Variants in RUVBL1 observed in about 807,000 individuals in gnomAD.
The protein encoded by RUVBL1 is ruvB-like 1.
Under a neutral mutation model 52.4 loss-of-function variants are expected in RUVBL1, and 4 were observed. That is an observed-to-expected ratio of 0.08 (90% CI 0.04 to 0.17). The LOEUF is 0.17. Ranked by LOEUF, RUVBL1 falls within the 10% of genes least tolerant of loss-of-function variation. RUVBL1 has a pLI of 1.00. For missense variants in RUVBL1, 298 were observed against 572.8 expected (o/e 0.52, Z 4.90); for synonymous variants, 217 against 214.4 (o/e 1.01, Z -0.10).
intron 2 of RUVBL1, among the ~76,000 whole-genome samples, chr3:128,116,763 C>CTCATCTTT: frequency 6.6e-6 from 1 of 152,314 alleles, no homozygotes; most frequent in East Asian, 1.9e-4. Flanking sequence ...GCCAGGCTCC[C>CTCATCTTT]TCATCTTTGT....
intron 1 of RUVBL1, among the ~76,000 whole-genome samples, chr3:128,147,108 G>A (rs1001596831): frequency 1.3e-5 from 2 of 152,240 alleles, no homozygotes; most frequent in Non-Finnish European, 2.9e-5. Flanking sequence ...GTTTTGCTCT[G>A]TTGCCCGGGC....
At chr3:128,101,368 A>C (rs951562765) in intron 5 of RUVBL1, among the ~76,000 whole-genome samples, 191 bp downstream of exon 5, 18 of 152,178 alleles carry the variant, frequency 1.2e-4, no homozygotes, top group African/African-American at 4.3e-4. Flanking sequence ...AAGGTTAAAG[A>C]ATGAAGATAA....
At chr3:128,109,278 G>C (rs530204709) in intron 3 of RUVBL1, among the ~76,000 whole-genome samples, 1 of 152,132 alleles carries the variant, frequency 6.6e-6, no homozygotes, top group African/African-American at 2.4e-5. Flanking sequence ...GGGTGTAGTG[G>C]CTCACTCCTA....
chr3:128,112,433 A>G (rs1381291204), intron 3 of RUVBL1, among the ~76,000 whole-genome samples: 1 of 152,166 alleles, frequency 6.6e-6, no homozygotes, highest in Non-Finnish European at 1.5e-5. Flanking sequence ...TAAGCCTCTA[A>G]GCTCTGCCAG....
intron 9 of RUVBL1, among the ~76,000 whole-genome samples, chr3:128,065,687 A>C (rs1008880635): frequency 6.7e-6 from 1 of 149,304 alleles, no homozygotes; most frequent in Non-Finnish European, 1.5e-5. Context: ...ATAAAAAGCT[A>C]TCTCTTTAGG....
chr3:128,115,616 C>T (rs1191636537), intron 2 of RUVBL1, among the ~76,000 whole-genome samples: 1 of 152,152 alleles, frequency 6.6e-6, no homozygotes, highest in Non-Finnish European at 1.5e-5. Flanking sequence ...CTCATATTTC[C>T]TGGGAGGAAA....
At chr3:128,109,053 T>C (rs958716945) in intron 3 of RUVBL1, among the ~76,000 whole-genome samples, 1 of 152,206 alleles carries the variant, frequency 6.6e-6, no homozygotes, top group Non-Finnish European at 1.5e-5. Context: ...AAGGTTATGA[T>C]GATCACATAA....
At chr3:128,153,388 G>A in exon 1 of RUVBL1, 1 of 1,391,578 alleles carries the variant, frequency 7.2e-7, no homozygotes, top group South Asian at 1.6e-5. Context: ...AAGCTTCCGG[G>A]CCGGAACGGG....
At chr3:128,122,403 T>G (rs1576478060) in intron 1 of RUVBL1, among the ~76,000 whole-genome samples, 2 of 152,240 alleles carry the variant, frequency 1.3e-5, no homozygotes. Flanking sequence ...TCAACTTTTT[T>G]TGTGTCTGAA....
chr3:128,100,984 CTTTCT>C (rs1379784982), intron 5 of RUVBL1, among the ~76,000 whole-genome samples: 1 of 152,216 alleles, frequency 6.6e-6, no homozygotes, highest in African/African-American at 2.4e-5. Context: ...TTTTTCCCTT[CTTTCT>C]TTTAACTGTA....
intron 1 of RUVBL1, among the ~76,000 whole-genome samples, chr3:128,145,270 A>G (rs1339761346): frequency 1.3e-5 from 2 of 152,242 alleles, no homozygotes; most frequent in African/African-American, 4.8e-5. Flanking sequence ...TGACAAATGA[A>G]GAAACTGAGG....
chr3:128,113,872 C>A (rs756500028), intron 2 of RUVBL1, among the ~76,000 whole-genome samples: 5 of 152,198 alleles, frequency 3.3e-5, no homozygotes, highest in Non-Finnish European at 7.3e-5. Flanking sequence ...CACCAATCTA[C>A]AACCCATCAG....
Position 128,067,262 on chromosome 3 carries a change from T to C in RUVBL1, c.940-2042A>G, listed in dbSNP as rs1217005865. The C allele has an allele frequency of 7.5e-7, 1 of 1,327,032 alleles. No homozygotes were observed. Among genetic ancestry groups the C allele is most frequent in the African/African-American group, 1.5e-5 (1 of 68,352 alleles). The allele number at this position is 1,327,032 out of a possible 1,614,324, so 82.2% of individuals were successfully genotyped here. A position where few individuals can be genotyped will look rare whatever the true frequency, so the allele number is the denominator to read the frequency against. On this transcript the variant is annotated intron_variant, in intron 9 of 9. Transcript: ENST00000464873. The surrounding 1 kb of genome is among the most constrained non-coding windows in gnomAD (Gnocchi z 4.1). The stretch of plus-strand genomic sequence containing the variant: ...ATCCAAAGATATTTTCCATTGTGCC[T>C]TTTACAAATTCAGCACATTAAATTA...
chr3:128,107,152 G>A (rs1943260880), intron 3 of RUVBL1, among the ~76,000 whole-genome samples: 2 of 152,184 alleles, frequency 1.3e-5, no homozygotes, highest in Non-Finnish European at 2.9e-5. Context: ...ATCTCCGCTG[G>A]AGCCTATGGT....
chr3:128,100,972 C>A (rs1943096751), intron 5 of RUVBL1, among the ~76,000 whole-genome samples: 1 of 152,196 alleles, frequency 6.6e-6, no homozygotes, highest in South Asian at 2.1e-4. Flanking sequence ...CTCCCAAAAT[C>A]CTTTTTCCCT....
intron 9 of RUVBL1, among the ~76,000 whole-genome samples, chr3:128,065,533 T>A (rs1372286774): frequency 6.6e-6 from 1 of 152,122 alleles, no homozygotes; most frequent in African/African-American, 2.4e-5. Flanking sequence ...ATCTTTGTAT[T>A]TTTTGATGGT....
At chr3:128,097,572 G>T in intron 7 of RUVBL1, 74 bp from the exon 8 acceptor site, 2 of 1,352,678 alleles carry the variant, frequency 1.5e-6, no homozygotes, top group Non-Finnish European at 2.1e-6. Context: ...TCCTCCACCT[G>T]AATTCAATCC....
chr3:128,133,521 C>T (rs544703941), intron 1 of RUVBL1, among the ~76,000 whole-genome samples: 1 of 151,192 alleles, frequency 6.6e-6, no homozygotes, highest in African/African-American at 2.4e-5. Context: ...CATCCCTCCC[C>T]CAGCTTCAGA....
chr3:128,153,867 G>T (rs757912180), exon 1 of RUVBL1: 1 of 1,457,922 alleles, frequency 6.9e-7, no homozygotes, highest in South Asian at 1.4e-5. Flanking sequence ...GGACGCGGGC[G>T]GAGCGACCGG....
Sources: allele counts gnomAD v4.1 joint callset (sites outside exome capture counted in the v4.1 genomes callset), GRCh38; gene constraint gnomAD v4.1.1; non-coding constraint Gnocchi (gnomAD v3.1); transcripts MANE v1.5; gene names NCBI Gene and HGNC (gene_info 2026-07-23, HGNC 2026-07-21).